The following EYS variants were observed in gnomAD, a reference collection of about 807,000 sequenced individuals.
The protein encoded by EYS is EGF-like photoreceptor maintenance factor.
EYS carries 250 observed loss-of-function variants against 282.1 expected under a neutral mutation model. That is an observed-to-expected ratio of 0.89 (90% confidence interval 0.80 to 0.98). The LOEUF is 0.98. EYS is among the 50% of genes least tolerant of loss of function. EYS has a pLI of 0.00. For synonymous variants in EYS, 1,355 were observed against 1,282.9 expected, an observed-to-expected ratio of 1.06 and a Z score of -1.20; for missense variants, 4,016 against 3,709.0, an observed-to-expected ratio of 1.08 and a Z score of -2.15.
intron 10 of EYS, among the ~76,000 whole-genome samples, chr6:65,341,297 G>T (rs1486825367): frequency 1.3e-5 from 2 of 151,134 alleles, no homozygotes; most frequent in Admixed American, 6.6e-5. Flanking sequence ...ACATGATATT[G>T]TACAAATGCT....
At chr6:65,378,529 A>C (rs1180936227) in intron 8 of EYS, among the ~76,000 whole-genome samples, 1 of 152,172 alleles carries the variant, frequency 6.6e-6, no homozygotes, top group Non-Finnish European at 1.5e-5. Context: ...CAATCCCATT[A>C]CTGGGTATAT....
intron 37 of EYS, among the ~76,000 whole-genome samples, chr6:63,802,466 A>T (rs1028195017): frequency 1.4e-3 from 195 of 135,606 alleles, no homozygotes; most frequent in African/African-American, 5.0e-3. Flanking sequence ...AAGTAAAATT[A>T]AAAAAAAAAA....
chr6:63,744,850 G>A (rs1292365458), intron 41 of EYS: 2 of 276,678 alleles, frequency 7.2e-6, no homozygotes, highest in Admixed American at 5.7e-5. Flanking sequence ...TTACAGGCAT[G>A]AGCCACTGCG....
At chr6:65,350,465 C>A (rs900841531) in intron 9 of EYS, among the ~76,000 whole-genome samples, 2 of 151,340 alleles carry the variant, frequency 1.3e-5, no homozygotes, top group Non-Finnish European at 3.0e-5. Flanking sequence ...GCAACAATCA[C>A]TATTTATTTA....
chr6:64,317,344 A>AT (rs1276455169), intron 29 of EYS, among the ~76,000 whole-genome samples: 2 of 151,928 alleles, frequency 1.3e-5, no homozygotes, highest in Non-Finnish European at 2.9e-5. Flanking sequence ...ACAAGAAAAA[A>AT]AAAAAACATC....
intron 22 of EYS, among the ~76,000 whole-genome samples, chr6:64,674,765 T>TACACAC (rs57185055): frequency 3.3e-5 from 5 of 150,134 alleles, no homozygotes; most frequent in African/African-American, 7.4e-5. Flanking sequence ...CATATATACA[T>TACACAC]ACACACACAC....
At chr6:65,190,556 C>T (rs947946522) in intron 12 of EYS, among the ~76,000 whole-genome samples, 1 of 151,404 alleles carries the variant, frequency 6.6e-6, no homozygotes, top group African/African-American at 2.4e-5. Flanking sequence ...AAAGTGTATA[C>T]CTTCAGATGT....
intron 22 of EYS, among the ~76,000 whole-genome samples, chr6:64,694,714 A>C (rs1037066737): frequency 1.3e-5 from 2 of 152,168 alleles, no homozygotes; most frequent in Non-Finnish European, 2.9e-5. Context: ...CTGAGAGGTA[A>C]ACGTAGCATA....
Position 64,553,555 on chromosome 6 carries a change from C to G in EYS, c.5644+36668G>C, listed in dbSNP as rs796906820. Reference sequence around the variant, plus strand: ...TGTGACTTTTGTTTGACCCCCCCCCCCCCATAGGCAGTTACAAGGCAAATG... The same window carrying G: ...TGTGACTTTTGTTTGACCCCCCCCCGCCCATAGGCAGTTACAAGGCAAATG... On this transcript the variant is annotated intron_variant, in intron 26 of 42. Coordinates refer to ENST00000503581, the MANE Select transcript of EYS (RefSeq NM_001142800.2). 1.0e-4 allele frequency among the ~76,000 whole-genome samples: 14 copies of G among 138,062 alleles called. 1 individual carries two copies. The East Asian group carries it at 1.4e-3, about 14-fold the overall frequency. 90.6% of individuals were successfully genotyped at this position (138,062 alleles called of 152,430 possible).
rs551007381 is a variant in EYS at position 64,433,120 on chromosome 6, CA to C, written c.5927+3053del. Among the ~76,000 whole-genome samples the C allele has an allele frequency of 5.7e-4, 87 of 152,072 alleles. 1 individual carries two copies. The highest frequency in any genetic ancestry group is 1.9e-3 in the African/African-American group (80 of 41,544). On this transcript the variant is annotated intron_variant, in intron 28 of 42. Coordinates refer to ENST00000503581, the MANE Select transcript of EYS (RefSeq NM_001142800.2). ...TGAGCCAGGTTACTTTTTCACAGAGCATATTTGTTTCGCTTTTTCTGAGATA... is the reference window on the plus strand; with the variant it reads ...TGAGCCAGGTTACTTTTTCACAGAGCTATTTGTTTCGCTTTTTCTGAGATA...
intron 31 of EYS, among the ~76,000 whole-genome samples, chr6:64,219,573 G>A (rs1485925283): frequency 6.6e-6 from 1 of 152,114 alleles, no homozygotes; most frequent in African/African-American, 2.4e-5. Context: ...TGGGTCAAAT[G>A]GTATTTCTAG....
chr6:64,030,920 G>T (rs1769794304), intron 33 of EYS, among the ~76,000 whole-genome samples: 1 of 152,248 alleles, frequency 6.6e-6, no homozygotes, highest in African/African-American at 2.4e-5. Flanking sequence ...TCCCTATCCA[G>T]CAGGAAGTAG....
intron 31 of EYS, among the ~76,000 whole-genome samples, chr6:64,223,867 C>T (rs987020646): frequency 2.6e-5 from 4 of 152,014 alleles, no homozygotes; most frequent in African/African-American, 9.7e-5. Context: ...AGTGTGCATG[C>T]ATACATGTAC....
chr6:64,839,880 C>G (rs945813068), intron 19 of EYS, among the ~76,000 whole-genome samples: 2 of 151,964 alleles, frequency 1.3e-5, no homozygotes, highest in African/African-American at 2.4e-5. Flanking sequence ...GGGAAGAGCC[C>G]TCATGATTTA....
chr6:65,365,702 G>C (rs1303838990), intron 8 of EYS, among the ~76,000 whole-genome samples: 7 of 151,566 alleles, frequency 4.6e-5, no homozygotes, highest in Admixed American at 4.0e-4. Context: ...AGCACTAAGA[G>C]ATTACAAAAG....
chr6:64,862,727 T>A (rs1452693723), intron 19 of EYS, among the ~76,000 whole-genome samples: 2 of 152,164 alleles, frequency 1.3e-5, no homozygotes, highest in Non-Finnish European at 2.9e-5. Context: ...CAGGCATTCG[T>A]ATGTAATGGC....
At chr6:64,798,821 T>C (rs1774445390) in intron 22 of EYS, among the ~76,000 whole-genome samples, 1 of 151,450 alleles carries the variant, frequency 6.6e-6, no homozygotes, top group Non-Finnish European at 1.5e-5. Flanking sequence ...CCAGCCTAAG[T>C]AAAGTAGTCA....
chr6:65,208,565 T>C (rs1327504034), intron 12 of EYS, among the ~76,000 whole-genome samples: 1 of 151,924 alleles, frequency 6.6e-6, no homozygotes, highest in Admixed American at 6.6e-5. Context: ...TGTCCATCAA[T>C]GGTTGATTGG....
intron 23 of EYS, among the ~76,000 whole-genome samples, chr6:64,620,666 C>T (rs1200483273): frequency 1.3e-5 from 2 of 151,706 alleles, no homozygotes; most frequent in African/African-American, 4.8e-5. Context: ...GAAATGAGAC[C>T]AGAATAAGAA....
Sources: allele counts gnomAD v4.1 joint callset (sites outside exome capture counted in the v4.1 genomes callset), GRCh38; gene constraint gnomAD v4.1.1; transcripts MANE v1.5; gene names NCBI Gene and HGNC (gene_info 2026-07-23, HGNC 2026-07-21).